Variants in DNAH17 observed in about 807,000 individuals in gnomAD.
DNAH17 encodes axonemal beta dynein heavy chain 17.
A neutral mutation model predicts 485.6 loss-of-function variants in DNAH17; 376 were observed. The observed-to-expected ratio is 0.77, with a 90% CI of 0.71 to 0.84. The LOEUF is 0.84. DNAH17 is among the 40% of genes least tolerant of loss of function. The pLI is 0.00. For synonymous variants in DNAH17, 3,031 were observed against 2,405.9 expected, an observed-to-expected ratio of 1.26 and a Z score of -7.60; for missense variants, 6,370 against 5,839.3, an observed-to-expected ratio of 1.09 and a Z score of -2.96.
Position 78,455,806 on chromosome 17 carries a change from G to C in DNAH17, c.10008C>G (p.Ile3336Met), listed in dbSNP as rs555561474. ...AGTTCTCCACAGACTCAGCCCAGCG[G>C]ATGTTTTCCGATGCTAATCCCCCGA... Reference protein sequence around the residue: ...RLVGGLASENIRWAESVENFR... With the variant: ...RLVGGLASENMRWAESVENFR... The change falls in exon 63 of 81, where the codon ATC (isoleucine) becomes ATG (methionine). Residue 3336 changes from isoleucine to methionine, a missense_variant. Coordinates refer to ENST00000389840, the MANE Select transcript of DNAH17 (RefSeq NM_173628.4). The C allele has an allele frequency of 1.2e-6, 2 of 1,606,682 alleles. No individual in the cohort carries two copies. The highest frequency in any genetic ancestry group is 3.4e-5 in the Admixed American group (2 of 58,236).
At chr17:78,512,890 G>T (rs1331825861) in intron 26 of DNAH17, among the ~76,000 whole-genome samples, 1 of 143,156 alleles carries the variant, frequency 7.0e-6, no homozygotes, top group Non-Finnish European at 1.5e-5. Flanking sequence ...GCAGTGAGCT[G>T]AGATTGTGTC....
At chr17:78,524,606 T>C (rs550853330) in intron 25 of DNAH17, among the ~76,000 whole-genome samples, 1 of 112,970 alleles carries the variant, frequency 8.9e-6, no homozygotes, top group Non-Finnish European at 1.9e-5. Flanking sequence ...TCCAGAACGG[T>C]GAGGAATAAA....
Position 78,499,024 on chromosome 17 carries a change from G to T in DNAH17, c.5729C>A (p.Ser1910Tyr). Reference sequence around the variant, plus strand: ...GGACTTTACCTGCACGGCAATCACAGACAAGACTTCCACTGAGATGCGATT... The same window carrying T: ...GGACTTTACCTGCACGGCAATCACATACAAGACTTCCACTGAGATGCGATT... ...EFNRISVEVL[S>Y]VIAVQVKCVQ... The change falls in exon 37 of 81, where the codon TCT becomes TAT. Residue 1910 changes from serine (S) to tyrosine (Y), a missense_variant. Ser to Tyr is a moderately radical substitution (Grantham distance 144). Coordinates refer to ENST00000389840, the MANE Select transcript of DNAH17 (RefSeq NM_173628.4). 1 of 1,610,216 alleles carries T rather than the reference G, an allele frequency of 6.2e-7. No individual in the cohort carries two copies. Among genetic ancestry groups the T allele is most frequent in the South Asian group, 1.1e-5 (1 of 90,386 alleles).
chr17:78,503,210 TGC>T (rs1568166860), intron 31 of DNAH17, among the ~76,000 whole-genome samples, 199 bp from the exon 32 acceptor site: 1 of 100,170 alleles, frequency 1.0e-5, no homozygotes, highest in Non-Finnish European at 2.0e-5. Flanking sequence ...GATGGAGTCT[TGC>T]TCTGTCACCC....
At chr17:78,557,539 T>C (rs897933665) in intron 14 of DNAH17, among the ~76,000 whole-genome samples, 7 of 147,408 alleles carry the variant, frequency 4.7e-5, no homozygotes, top group African/African-American at 1.5e-4. Flanking sequence ...CTCAGGAGGC[T>C]GAGCCAGGAG....
intron 72 of DNAH17, among the ~76,000 whole-genome samples, chr17:78,440,568 CTT>C (rs1267580633): frequency 6.6e-6 from 1 of 152,084 alleles, no homozygotes; most frequent in African/African-American, 2.4e-5. Flanking sequence ...CTGCTTCACT[CTT>C]TTTTAATCGA....
chr17:78,544,925 G>A (rs2091715481), intron 16 of DNAH17, among the ~76,000 whole-genome samples: 2 of 151,046 alleles, frequency 1.3e-5, no homozygotes, highest in Non-Finnish European at 2.9e-5. Context: ...ATACATATAT[G>A]GTAACAAAAC....
chr17:78,447,351 A>G (rs2087353000), intron 69 of DNAH17, among the ~76,000 whole-genome samples: 1 of 152,192 alleles, frequency 6.6e-6, no homozygotes, highest in Non-Finnish European at 1.5e-5. Context: ...AGCCTGGGTC[A>G]TATTCCATGC....
chr17:78,560,992 G>C (rs563835009), intron 12 of DNAH17, 57 bp from the exon 13 acceptor site: 2 of 1,486,530 alleles, frequency 1.3e-6, no homozygotes, highest in African/African-American at 1.4e-5. Context: ...GGGTGTCTTC[G>C]GCACGTCCCA....
chr17:78,531,487 T>C (rs528809161), intron 20 of DNAH17, among the ~76,000 whole-genome samples: 215 of 152,066 alleles, frequency 1.4e-3, no homozygotes, highest in Admixed American at 2.2e-3. Flanking sequence ...TACAGGCGCC[T>C]GCCACCACGC....
At position 78,532,622 on chromosome 17, in the gene DNAH17, A is replaced by G. The variant is rs2091271146; in HGVS notation, c.2974T>C (p.Tyr992His). ...TCCTGCAGGTTGTCCGTCCAGAGGTAGGAGTACCTCTCAAAGGAATCCTGG... is the reference window on the plus strand; with the variant it reads ...TCCTGCAGGTTGTCCGTCCAGAGGTGGGAGTACCTCTCAAAGGAATCCTGG... ...EYQDSFERYS[Y>H]LWTDNLQEFM... Residue 992 changes from tyrosine (Y) to histidine (H), a missense_variant, in exon 20 of 81, where the codon TAC (tyrosine) becomes CAC (histidine). By Grantham distance (83) the Tyr-to-His change is moderately conservative. Coordinates refer to ENST00000389840, the MANE Select transcript of DNAH17 (RefSeq NM_173628.4). 1.2e-6 allele frequency: 2 copies of G among 1,604,656 alleles called. No individual in the cohort carries two copies. Among genetic ancestry groups the G allele is most frequent in the Non-Finnish European group, 1.7e-6 (2 of 1,175,302 alleles).
intron 19 of DNAH17, among the ~76,000 whole-genome samples, chr17:78,535,358 A>T (rs1430295244): frequency 6.7e-6 from 1 of 149,706 alleles, no homozygotes; most frequent in African/African-American, 2.5e-5. Flanking sequence ...CAGCATGGAA[A>T]CCTCCTCCCA....
chr17:78,488,932 G>A (rs1219985208), intron 44 of DNAH17, among the ~76,000 whole-genome samples: 6 of 151,992 alleles, frequency 3.9e-5, no homozygotes, highest in Non-Finnish European at 2.9e-5. Flanking sequence ...AGGTTCTCCC[G>A]CAGAGCCTCA....
chr17:78,516,002 C>T (rs976109772), intron 25 of DNAH17, among the ~76,000 whole-genome samples: 4 of 152,208 alleles, frequency 2.6e-5, no homozygotes, highest in African/African-American at 9.7e-5. Flanking sequence ...AAGCTGGAAA[C>T]TGCTAGTCAT....
chr17:78,427,213 G>C (rs1233264912), intron 77 of DNAH17, 105 bp from the exon 78 acceptor site: 2 of 1,144,822 alleles, frequency 1.7e-6, no homozygotes, highest in African/African-American at 3.1e-5. Context: ...AAGTCCTGGA[G>C]AGGAGGGAAG....
rs1030836293 is a variant in DNAH17, at chr17:78,459,318, G to C, written c.9654-110C>G. On this transcript the variant is annotated intron_variant, in intron 60 of 80. Transcript: ENST00000389840. ...GGTGGCACAGCTCTGGAGGGGCAGC[G>C]CTGGGATTCACACAGTCAGGCTGGC... 1.9e-5 allele frequency: 20 copies of C among 1,052,160 alleles called. No homozygotes were observed. The Admixed American group carries it at 3.5e-4, about 18-fold the overall frequency. 65.2% of individuals were successfully genotyped at this position (1,052,160 alleles called of 1,614,324 possible). A position where few individuals can be genotyped will look rare whatever the true frequency, so the allele number is the denominator to read the frequency against.
chr17:78,457,857 T>TAC (rs1484379600), intron 62 of DNAH17, among the ~76,000 whole-genome samples: 1 of 152,086 alleles, frequency 6.6e-6, no homozygotes, highest in Non-Finnish European at 1.5e-5. Flanking sequence ...GACAGGGTTT[T>TAC]ACCATGTTGG....
chr17:78,501,770 T>C lies in DNAH17; in HGVS notation c.5294A>G (p.Asp1765Gly). ...TICTIDVHAR[D>G]VVAKMIVAKV... is the part of the protein sequence containing the mutation. ...GGCCACGATCATTTTGGCCACCACG[T>C]CCCGTGCGTGCACATCGATGGTGCA... Residue 1765 changes from aspartate (D) to glycine (G), a missense_variant, in exon 34 of 81, where the codon GAC (aspartate) becomes GGC (glycine). Physicochemically the swap from Asp to Gly is moderately conservative, Grantham distance 94. Transcript: ENST00000389840. 1 of 1,613,740 alleles carries C rather than the reference T, an allele frequency of 6.2e-7. No individual in the cohort carries two copies. Among genetic ancestry groups the C allele is most frequent in the Non-Finnish European group, 8.5e-7 (1 of 1,179,882 alleles).
rs2087764107 is a variant in DNAH17, at chr17:78,455,703, T to C, written c.10111A>G (p.Lys3371Glu). Residue 3371 changes from lysine to glutamate, a missense_variant, in exon 63 of 81, where the codon AAG becomes GAG. By Grantham distance (56) the Lys-to-Glu change is moderately conservative. Coordinates refer to ENST00000389840, the MANE Select transcript of DNAH17 (RefSeq NM_173628.4). ...TCCATCAGCTCATTCCGGTATTTCT[T>C]GGTGAAGTAGCCCACGTAGGACACG... is the stretch of plus-strand genomic sequence containing the variant. ...AFVSYVGYFT[K>E]KYRNELMEKF... 6.3e-7 allele frequency: 1 copy of C among 1,596,796 alleles called. No homozygotes were observed. Among genetic ancestry groups the C allele is most frequent in the African/African-American group, 1.3e-5 (1 of 74,246 alleles).
Sources: allele counts gnomAD v4.1 joint callset (sites outside exome capture counted in the v4.1 genomes callset), GRCh38; gene constraint gnomAD v4.1.1; transcripts MANE v1.5; gene names NCBI Gene and HGNC (gene_info 2026-07-23, HGNC 2026-07-21).